PRIM2: variants seen among roughly 807,000 people sequenced by gnomAD.
PRIM2 encodes the protein DNA primase large subunit.
Under a neutral mutation model 67.3 loss-of-function variants are expected in PRIM2, and 39 were observed. The observed-to-expected ratio is 0.58, with a 90% CI of 0.45 to 0.76. The LOEUF (loss-of-function observed/expected upper bound fraction) is 0.76. PRIM2 is among the 30% of genes least tolerant of loss of function. The pLI, the probability that PRIM2 is intolerant of heterozygous loss-of-function variation, is 0.00. For missense variants in PRIM2, 398 were observed against 598.7 expected (o/e 0.66, Z 3.50); for synonymous variants, 143 against 198.7 (o/e 0.72, Z 2.36).
chr6:57,365,949 CAAAAAAAAAAA>C (rs5876544), intron 5 of PRIM2, among the ~76,000 whole-genome samples: 1 of 62,646 alleles, frequency 1.6e-5, no homozygotes, highest in Non-Finnish European at 3.0e-5. Flanking sequence ...GACCATATCT[CAAAAAAAAAAA>C]AAAAAAAAAA....
the PRIM2 span, among the ~76,000 whole-genome samples, chr6:57,289,962 C>A: frequency 6.6e-6 from 1 of 152,038 alleles, no homozygotes; most frequent in African/African-American, 2.4e-5. Flanking sequence ...ACAATATTAA[C>A]CTTAAATGTA....
At chr6:57,458,943 C>G (rs867740140) in intron 7 of PRIM2, among the ~76,000 whole-genome samples, 4 of 152,178 alleles carry the variant, frequency 2.6e-5, no homozygotes, top group African/African-American at 9.7e-5. Flanking sequence ...GGACCTGCAG[C>G]GTTGAGCAGA....
intron 7 of PRIM2, among the ~76,000 whole-genome samples, chr6:57,383,884 C>G (rs993547654): frequency 4.6e-5 from 7 of 152,206 alleles, no homozygotes; most frequent in African/African-American, 1.7e-4. Flanking sequence ...AATTCTCTTT[C>G]TCTAGTAGCA....
chr6:57,625,609 C>T (rs1776936458), intron 12 of PRIM2, among the ~76,000 whole-genome samples: 1 of 151,908 alleles, frequency 6.6e-6, no homozygotes, highest in Non-Finnish European at 1.5e-5. Flanking sequence ...AATGTGGCAG[C>T]TATCTTGAGT....
At chr6:57,274,626 C>A in the PRIM2 span, among the ~76,000 whole-genome samples, 1 of 152,244 alleles carries the variant, frequency 6.6e-6, no homozygotes, top group Non-Finnish European at 1.5e-5. Flanking sequence ...GTGCGCTGCA[C>A]CCACTGTCCT....
chr6:57,532,636 T>TA (rs1162717233), intron 9 of PRIM2, among the ~76,000 whole-genome samples, 153 bp downstream of exon 9: 9 of 152,078 alleles, frequency 5.9e-5, no homozygotes, highest in African/African-American at 1.7e-4. Flanking sequence ...TAGATGATTT[T>TA]AAAAAAAATC....
intron 10 of PRIM2, among the ~76,000 whole-genome samples, chr6:57,542,939 A>ATGTTTTTTTTTTTTTTT (rs1775194522): frequency 1.4e-5 from 1 of 71,930 alleles, no homozygotes; most frequent in Non-Finnish European, 2.6e-5. Context: ...TGCTTATAGG[A>ATGTTTTTTTTTTTTTTT]TTTTTTTTTT....
At chr6:57,333,050 G>A (rs557215793) in intron 5 of PRIM2, among the ~76,000 whole-genome samples, 17 of 151,888 alleles carry the variant, frequency 1.1e-4, no homozygotes, top group African/African-American at 4.1e-4. Context: ...TTTCTTCGTG[G>A]TTTCCCTTAG....
intron 10 of PRIM2, among the ~76,000 whole-genome samples, chr6:57,588,325 G>C (rs1336838106): frequency 6.6e-6 from 1 of 152,008 alleles, no homozygotes; most frequent in Non-Finnish European, 1.5e-5. Flanking sequence ...CCCACCACTG[G>C]TAAAGTTTGG....
At chr6:57,464,657 C>T (rs1427663667) in intron 7 of PRIM2, among the ~76,000 whole-genome samples, 1 of 151,518 alleles carries the variant, frequency 6.6e-6, no homozygotes, top group East Asian at 1.9e-4. Context: ...AATAAATAAG[C>T]CAGCTACCAA....
chr6:57,232,546 C>CA, the PRIM2 span, among the ~76,000 whole-genome samples: 5 of 151,240 alleles, frequency 3.3e-5, no homozygotes, highest in East Asian at 7.7e-4. Flanking sequence ...AAGACTCTGT[C>CA]AAAAAAAATA....
At chr6:57,354,534 A>T (rs1768965900) in intron 5 of PRIM2, among the ~76,000 whole-genome samples, 1 of 152,084 alleles carries the variant, frequency 6.6e-6, no homozygotes, top group Admixed American at 6.5e-5. Flanking sequence ...AAACCTAAGA[A>T]GCATAATTTG....
chr6:57,440,967 C>G (rs1341625619), intron 7 of PRIM2, among the ~76,000 whole-genome samples: 1 of 152,128 alleles, frequency 6.6e-6, no homozygotes, highest in Non-Finnish European at 1.5e-5. Flanking sequence ...CAGATCCTCT[C>G]ATTGAACCAT....
chr6:57,579,933 G>A (rs1582001539), intron 10 of PRIM2, among the ~76,000 whole-genome samples: 3 of 152,076 alleles, frequency 2.0e-5, no homozygotes, highest in East Asian at 3.8e-4. Context: ...AAAAGGTATA[G>A]TCTACTAATA....
At chr6:57,578,467 A>G (rs1418854627) in intron 10 of PRIM2, among the ~76,000 whole-genome samples, 1 of 152,080 alleles carries the variant, frequency 6.6e-6, no homozygotes, top group Non-Finnish European at 1.5e-5. Context: ...ATGTTTCTAT[A>G]AGGAAAAACT....
chr6:57,256,991 T>C, the PRIM2 span, among the ~76,000 whole-genome samples: 5 of 152,228 alleles, frequency 3.3e-5, no homozygotes, highest in Non-Finnish European at 7.3e-5. Flanking sequence ...ATCTTTCTTA[T>C]CTATTTGGTT....
the PRIM2 span, among the ~76,000 whole-genome samples, chr6:57,299,167 A>T: frequency 6.6e-6 from 1 of 152,066 alleles, no homozygotes; most frequent in Non-Finnish European, 1.5e-5. Flanking sequence ...ACAATAATCT[A>T]TTATGAAATG....
chr6:57,469,445 A>ACC (rs1773285435), intron 7 of PRIM2, among the ~76,000 whole-genome samples: 1 of 152,184 alleles, frequency 6.6e-6, no homozygotes. Context: ...GGAAAATTGA[A>ACC]CCCTTGATAT....
intron 10 of PRIM2, among the ~76,000 whole-genome samples, chr6:57,571,677 CA>C (rs1181037609): frequency 0.098 from 14,937 of 151,892 alleles, 940 homozygotes; most frequent in African/African-American, 0.18. Flanking sequence ...AAACAAAAAA[CA>C]AAAAAACACA....
Sources: gnomAD v4.1 joint callset for allele counts (sites outside exome capture counted in the v4.1 genomes callset) on GRCh38, gnomAD v4.1.1 for gene constraint, MANE v1.5 for transcripts, NCBI Gene and HGNC (gene_info 2026-07-23, HGNC 2026-07-21) for gene names.